Variants in RBM47 observed in about 807,000 individuals in gnomAD.
RBM47 encodes RNA-binding protein 47.
Under a neutral mutation model 47.1 loss-of-function variants are expected in RBM47, and 21 were observed. The ratio of observed to expected loss-of-function variants is 0.45; its 90% confidence interval spans 0.32 to 0.64. The LOEUF (loss-of-function observed/expected upper bound fraction) is 0.64. Among genes scored for constraint, RBM47 ranks in the 30% least tolerant of loss-of-function variants. The pLI is 0.05. For missense variants in RBM47, 708 were observed against 870.9 expected (o/e 0.81, Z 2.35); for synonymous variants, 375 against 361.7 (o/e 1.04, Z -0.42).
At chr4:40,509,119 C>T (rs1435488376) in intron 2 of RBM47, among the ~76,000 whole-genome samples, 3 of 151,752 alleles carry the variant, frequency 2.0e-5, no homozygotes, top group Non-Finnish European at 4.4e-5. Flanking sequence ...GAGATTGTGC[C>T]ACTGCACTCC....
intron 4 of RBM47, 93 bp from the exon 5 acceptor site, chr4:40,436,740 A>G: frequency 8.3e-7 from 1 of 1,208,494 alleles, no homozygotes; most frequent in South Asian, 1.2e-5. Context: ...TAACTGCCCC[A>G]GTCTTAATTG....
chr4:40,437,088 A>ATATATATATAT (rs1305076952), intron 4 of RBM47, among the ~76,000 whole-genome samples: 2 of 54,012 alleles, frequency 3.7e-5, no homozygotes, highest in African/African-American at 2.2e-4. Context: ...AAAAAAAAAA[A>ATATATATATAT]AAATATATAT....
chr4:40,469,949 T>C (rs1481683371), intron 2 of RBM47, among the ~76,000 whole-genome samples: 1 of 152,166 alleles, frequency 6.6e-6, no homozygotes, highest in Non-Finnish European at 1.5e-5. Flanking sequence ...TATTTAATAT[T>C]GTTATGTTTG....
chr4:40,448,552 T>TTAGG (rs1714911023), intron 3 of RBM47, among the ~76,000 whole-genome samples: 1 of 152,224 alleles, frequency 6.6e-6, no homozygotes, highest in South Asian at 2.1e-4. Context: ...TAATCACGTC[T>TTAGG]TAAGCATGAC....
Position 40,628,928 on chromosome 4 carries a change from A to T in RBM47, c.-240+468T>A, listed in dbSNP as rs1190173533. Among the ~76,000 whole-genome samples, 1 of 152,164 alleles carries T rather than the reference A, an allele frequency of 6.6e-6. No individual in the cohort carries two copies. The highest frequency in any genetic ancestry group is 1.5e-5 in the Non-Finnish European group (1 of 68,022). On this transcript the variant is annotated intron_variant, in intron 1 of 6. Transcript: ENST00000295971. This position sits in a 1 kb window ranked among gnomAD's most constrained non-coding sequence, Gnocchi z 4.0. ...ACAGGCTGAATTTTTAATTTGAAAC[A>T]ACTACACCTCTACCGAGTGTTACTT... is the stretch of plus-strand genomic sequence containing the variant.
intron 2 of RBM47, among the ~76,000 whole-genome samples, chr4:40,469,233 A>G (rs1718490495): frequency 6.6e-6 from 1 of 152,222 alleles, no homozygotes; most frequent in Admixed American, 6.5e-5. Flanking sequence ...TTGAAAGCAA[A>G]TTATTAATAT....
chr4:40,528,505 T>C (rs1028489509), intron 2 of RBM47, among the ~76,000 whole-genome samples: 1 of 152,008 alleles, frequency 6.6e-6, no homozygotes, highest in Non-Finnish European at 1.5e-5. Context: ...TGTAACTACA[T>C]ATCTAAAATG....
At chr4:40,573,807 A>AAAGAAAAGAAAGAAAGAAAG (rs148001440) in intron 1 of RBM47, among the ~76,000 whole-genome samples, 1 of 136,662 alleles carries the variant, frequency 7.3e-6, no homozygotes, top group African/African-American at 3.0e-5. Context: ...GAAAGAAAGA[A>AAAGAAAAGAAAGAAAGAAAG]AAAGAAAGAA....
At chr4:40,576,307 G>T (rs1330358873) in intron 1 of RBM47, among the ~76,000 whole-genome samples, 3 of 133,966 alleles carry the variant, frequency 2.2e-5, no homozygotes, top group Admixed American at 7.7e-5. Context: ...TCATATTTAT[G>T]CCTGATCAAT....
chr4:40,612,342 T>C (rs1736336732), intron 1 of RBM47, among the ~76,000 whole-genome samples: 2 of 152,208 alleles, frequency 1.3e-5, no homozygotes, highest in Admixed American at 6.5e-5. Context: ...GAACAGCCTC[T>C]ACTAAAAACA....
chr4:40,484,143 T>C (rs1720783123), intron 2 of RBM47, among the ~76,000 whole-genome samples: 1 of 152,230 alleles, frequency 6.6e-6, no homozygotes, highest in South Asian at 2.1e-4. Context: ...GGGTACAATT[T>C]CTACTGATAT....
At chr4:40,576,845 C>T (rs1196338044) in intron 1 of RBM47, among the ~76,000 whole-genome samples, 1 of 151,618 alleles carries the variant, frequency 6.6e-6, no homozygotes, top group East Asian at 1.9e-4. Flanking sequence ...ATAATATTCA[C>T]AGAAATCCTG....
intron 1 of RBM47, among the ~76,000 whole-genome samples, chr4:40,596,030 T>A (rs570587636): frequency 1.4e-4 from 22 of 152,304 alleles, no homozygotes; most frequent in African/African-American, 5.1e-4. Flanking sequence ...TAAGCTAGCA[T>A]TCTAAGCCAC....
At chr4:40,568,151 T>C (rs1396860462) in intron 1 of RBM47, among the ~76,000 whole-genome samples, 4 of 151,550 alleles carry the variant, frequency 2.6e-5, no homozygotes, top group Non-Finnish European at 5.9e-5. Context: ...CCAGGCATGG[T>C]GGCTCACATG....
intron 2 of RBM47, among the ~76,000 whole-genome samples, chr4:40,468,358 GTGTT>G (rs995257559): frequency 7.9e-5 from 12 of 152,238 alleles, no homozygotes; most frequent in African/African-American, 2.9e-4. Flanking sequence ...AAAAAAAATT[GTGTT>G]TGTTTTTTCT....
intron 6 of RBM47, 75 bp from the exon 7 acceptor site, chr4:40,426,218 TC>T: frequency 6.5e-7 from 1 of 1,527,970 alleles, no homozygotes; most frequent in Non-Finnish European, 8.8e-7. Flanking sequence ...AACAAGCCTC[TC>T]CCAGAAGACG....
intron 3 of RBM47, among the ~76,000 whole-genome samples, chr4:40,461,869 A>T (rs1717192508): frequency 6.6e-6 from 1 of 151,132 alleles, no homozygotes; most frequent in Non-Finnish European, 1.5e-5. Context: ...TGGGAGGCAG[A>T]GGTTGCAGTG....
intron 2 of RBM47, among the ~76,000 whole-genome samples, chr4:40,532,353 A>AC (rs1329233914): frequency 2.9e-5 from 3 of 102,268 alleles, no homozygotes; most frequent in African/African-American, 4.0e-5. Flanking sequence ...TTGCTCTGTC[A>AC]CCAGGTTGGA....
intron 1 of RBM47, among the ~76,000 whole-genome samples, chr4:40,625,346 C>T (rs896753477): frequency 2.6e-4 from 40 of 152,232 alleles, no homozygotes; most frequent in African/African-American, 9.4e-4. Flanking sequence ...TTTCTTGGGG[C>T]ACGTGAAATG....
Sources: allele counts gnomAD v4.1 joint callset (sites outside exome capture counted in the v4.1 genomes callset), GRCh38; gene constraint gnomAD v4.1.1; non-coding constraint Gnocchi (gnomAD v3.1); transcripts MANE v1.5; gene names NCBI Gene and HGNC (gene_info 2026-07-23, HGNC 2026-07-21).